The following CATSPERT variants were observed in gnomAD, a reference collection of about 807,000 sequenced individuals.
The protein encoded by CATSPERT is cation channel sperm-associated targeting subunit tau.
At chr2:201,597,418 T>C in the CATSPERT span, among the ~76,000 whole-genome samples, 1 of 152,202 alleles carries the variant, frequency 6.6e-6, no homozygotes, top group Non-Finnish European at 1.5e-5. Context: ...CTTTATCTGC[T>C]ATTCCTTTTT....
chr2:201,581,548 GTA>G, the CATSPERT span, among the ~76,000 whole-genome samples: 1,455 of 9,522 alleles, frequency 0.15, 46 homozygotes, highest in Non-Finnish European at 0.18. Context: ...AAAAATGTGT[GTA>G]TATATATATA....
chr2:201,603,375 A>G, the CATSPERT span: 3 of 975,318 alleles, frequency 3.1e-6, no homozygotes, highest in South Asian at 4.1e-5. Context: ...GTAAAACTCC[A>G]CGTTGTTGGT....
the CATSPERT span, among the ~76,000 whole-genome samples, chr2:201,597,145 A>G: frequency 2.0e-5 from 3 of 152,150 alleles, no homozygotes; most frequent in Non-Finnish European, 4.4e-5. Context: ...GGATGGGTCT[A>G]TTTCAGTTTC....
At chr2:201,596,670 C>T in the CATSPERT span, among the ~76,000 whole-genome samples, 1 of 152,152 alleles carries the variant, frequency 6.6e-6, no homozygotes, top group Non-Finnish European at 1.5e-5. Context: ...TTTTTCCATT[C>T]TTTTTTTCCT....
the CATSPERT span, among the ~76,000 whole-genome samples, chr2:201,593,599 A>T: frequency 7.5e-6 from 1 of 134,062 alleles, no homozygotes; most frequent in Non-Finnish European, 1.6e-5. Context: ...CCCATTATTA[A>T]TGTGTGGGAG....
chr2:201,565,993 G>T, the CATSPERT span: 2 of 820,118 alleles, frequency 2.4e-6, no homozygotes, highest in Admixed American at 3.6e-5. Flanking sequence ...GCCACCTTGG[G>T]CCATCGAAGG....
chr2:201,611,776 A>G, the CATSPERT span, among the ~76,000 whole-genome samples: 4 of 152,186 alleles, frequency 2.6e-5, no homozygotes, highest in Non-Finnish European at 5.9e-5. Context: ...CCTAACAATT[A>G]AAGGATTTTT....
chr2:201,509,836 C>G, the CATSPERT span, among the ~76,000 whole-genome samples: 1 of 150,944 alleles, frequency 6.6e-6, no homozygotes, highest in East Asian at 1.9e-4. Flanking sequence ...ACCAGGCACT[C>G]TCCCAAGTTT....
chr2:201,586,486 A>G, the CATSPERT span, among the ~76,000 whole-genome samples: 5 of 152,294 alleles, frequency 3.3e-5, no homozygotes, highest in Non-Finnish European at 7.4e-5. Context: ...CGTTACATAC[A>G]TTAACATTAC....
the CATSPERT span, among the ~76,000 whole-genome samples, chr2:201,513,478 G>A: frequency 2.0e-5 from 3 of 152,322 alleles, no homozygotes; most frequent in East Asian, 5.8e-4. Context: ...CACACTATTA[G>A]TGGGAATGTA....
At chr2:201,557,128 A>G in the CATSPERT span, 1 of 152,190 alleles carries the variant, frequency 6.6e-6, no homozygotes, top group East Asian at 1.9e-4. Flanking sequence ...ATTATTTCTC[A>G]ATAATATCTG....
chr2:201,505,993 C>A, the CATSPERT span, among the ~76,000 whole-genome samples: 1 of 152,122 alleles, frequency 6.6e-6, no homozygotes, highest in African/African-American at 2.4e-5. Context: ...GCCGGCCGGG[C>A]GCAGTGGCTC....
the CATSPERT span, among the ~76,000 whole-genome samples, chr2:201,544,364 G>A: frequency 6.6e-6 from 1 of 152,158 alleles, no homozygotes; most frequent in Non-Finnish European, 1.5e-5. Context: ...AATCCTTTGG[G>A]TACATACCCA....
chr2:201,535,954 T>C, the CATSPERT span: 2 of 1,591,930 alleles, frequency 1.3e-6, no homozygotes, highest in South Asian at 2.2e-5. Context: ...TTTTGCCAGC[T>C]AATTTCTGTT....
the CATSPERT span, chr2:201,566,023 C>A: frequency 1.7e-6 from 1 of 589,684 alleles, no homozygotes; most frequent in Non-Finnish European, 2.7e-6. Flanking sequence ...GGAAAAAAGC[C>A]AAGAGCCACA....
the CATSPERT span, among the ~76,000 whole-genome samples, chr2:201,590,571 A>G: frequency 1.3e-5 from 2 of 152,100 alleles, no homozygotes; most frequent in East Asian, 3.9e-4. Context: ...ACTGACTTCC[A>G]CAATGGTTGA....
the CATSPERT span, among the ~76,000 whole-genome samples, chr2:201,502,402 T>A: frequency 6.6e-6 from 1 of 151,894 alleles, no homozygotes; most frequent in Non-Finnish European, 1.5e-5. Flanking sequence ...TGAAACCCCG[T>A]CTCTACTAAA....
At chr2:201,506,216 G>T in the CATSPERT span, among the ~76,000 whole-genome samples, 1 of 152,136 alleles carries the variant, frequency 6.6e-6, no homozygotes, top group African/African-American at 2.4e-5. Context: ...GCAGTGAGCC[G>T]AGATTGCGCC....
chr2:201,599,188 C>T, the CATSPERT span, among the ~76,000 whole-genome samples: 1 of 152,130 alleles, frequency 6.6e-6, no homozygotes, highest in African/African-American at 2.4e-5. Flanking sequence ...AGTACCTCTC[C>T]ACGTTTTCAT....
Sources: allele counts gnomAD v4.1 joint callset (sites outside exome capture counted in the v4.1 genomes callset), GRCh38; gene constraint gnomAD v4.1.1; transcripts MANE v1.5; gene names NCBI Gene and HGNC (gene_info 2026-07-23, HGNC 2026-07-21).